CLEC4A: variants seen among roughly 807,000 people sequenced by gnomAD.
CLEC4A encodes the protein C-type lectin domain family 4 member A.
CLEC4A carries 27 observed loss-of-function variants against 32.7 expected under a neutral mutation model. That is an observed-to-expected ratio of 0.83 (90% confidence interval 0.61 to 1.14). The LOEUF (loss-of-function observed/expected upper bound fraction) is 1.14, where lower values mean the gene tolerates loss of function less well. CLEC4A is among the 50% of genes most tolerant of loss of function. CLEC4A has a pLI of 0.00. For synonymous variants in CLEC4A, 89 were observed against 93.7 expected (o/e 0.95, Z 0.29); for missense variants, 253 against 274.6 (o/e 0.92, Z 0.55).
chr12:8,133,514 T>G (rs1948037180), intron 3 of CLEC4A, among the ~76,000 whole-genome samples: 1 of 122,188 alleles, frequency 8.2e-6, no homozygotes, highest in South Asian at 2.7e-4. Flanking sequence ...TTTTTTTTTT[T>G]GTCTATCTAC....
In CLEC4A at chr12:8,136,913, G is replaced by T; in HGVS notation, c.566+10G>T. 6.4e-7 allele frequency: 1 copy of T among 1,573,144 alleles called. No individual in the cohort carries two copies. Among genetic ancestry groups the T allele is most frequent in the South Asian group, 1.1e-5 (1 of 90,118 alleles). ...ACAATGAAAGTTCCACGTGAGTATA[G>T]AATGAGATAAAAGAATCTTGGGTCC... On this transcript the variant is annotated intron_variant, in intron 5 of 5. Transcript: ENST00000229332.
upstream of CLEC4A, among the ~76,000 whole-genome samples, chr12:8,122,546 C>T (rs1209276452): frequency 2.0e-5 from 3 of 151,858 alleles, no homozygotes; most frequent in Non-Finnish European, 2.9e-5. Context: ...GGGATGGTGG[C>T]TTGGACTGGG....
the CLEC4A span, among the ~76,000 whole-genome samples, chr12:8,107,894 G>C: frequency 6.6e-6 from 1 of 151,528 alleles, no homozygotes; most frequent in Admixed American, 6.6e-5. Context: ...CTTCAGTTCA[G>C]CTCTGATTTT....
chr12:8,107,378 T>A, the CLEC4A span, among the ~76,000 whole-genome samples: 1 of 152,354 alleles, frequency 6.6e-6, no homozygotes, highest in South Asian at 2.1e-4. Context: ...AGGATGATAC[T>A]GGCTTCAGAG....
At chr12:8,121,270 G>A (rs1947828437), upstream of CLEC4A, 1 of 152,182 alleles carries the variant, frequency 6.6e-6, no homozygotes, top group Admixed American at 6.5e-5. Context: ...AAGACTCTGA[G>A]AATCAATGAT....
chr12:8,119,676 A>G (rs1337568112), upstream of CLEC4A, among the ~76,000 whole-genome samples: 1 of 152,262 alleles, frequency 6.6e-6, no homozygotes, highest in Non-Finnish European at 1.5e-5. Flanking sequence ...CATCATATCA[A>G]TATAAATAGT....
the CLEC4A span, among the ~76,000 whole-genome samples, chr12:8,107,866 CT>C: frequency 2.2e-4 from 33 of 149,532 alleles, no homozygotes; most frequent in Admixed American, 1.7e-3. Context: ...TTTTGTATGG[CT>C]TTTTGCTACT....
the CLEC4A span, among the ~76,000 whole-genome samples, chr12:8,105,668 A>T: frequency 6.6e-6 from 1 of 151,930 alleles, no homozygotes; most frequent in East Asian, 1.9e-4. Flanking sequence ...GCAATTTTTC[A>T]TATGCTTGTT....
the CLEC4A span, among the ~76,000 whole-genome samples, chr12:8,114,669 G>T: frequency 1.3e-5 from 2 of 152,118 alleles, no homozygotes; most frequent in Non-Finnish European, 2.9e-5. Context: ...TTTACCTTTT[G>T]CTTAATTTAC....
At chr12:8,134,342 A>G (rs1361257753) in intron 3 of CLEC4A, 1 of 1,612,170 alleles carries the variant, frequency 6.2e-7, no homozygotes, top group South Asian at 1.1e-5. Context: ...TAGAACCCCC[A>G]GGGTGAGCCA....
the CLEC4A span, among the ~76,000 whole-genome samples, chr12:8,106,610 T>G: frequency 1.3e-5 from 2 of 152,236 alleles, no homozygotes; most frequent in African/African-American, 4.8e-5. Flanking sequence ...TTTACCTCCC[T>G]GGTTAGCTGT....
chr12:8,134,376 G>T, intron 3 of CLEC4A: 1 of 1,613,334 alleles, frequency 6.2e-7, no homozygotes, highest in Non-Finnish European at 8.5e-7. Context: ...ATATCCCAGG[G>T]TGATCCTCTT....
the CLEC4A span, among the ~76,000 whole-genome samples, chr12:8,112,834 A>T: frequency 2.0e-5 from 3 of 152,236 alleles, no homozygotes; most frequent in Non-Finnish European, 4.4e-5. Flanking sequence ...TATATCATAG[A>T]TAATATAAGT....
intron 4 of CLEC4A, 32 bp from the exon 5 acceptor site, chr12:8,136,756 A>G (rs1261348880): frequency 7.4e-7 from 1 of 1,349,650 alleles, no homozygotes; most frequent in Non-Finnish European, 1.1e-6. Flanking sequence ...TGAATACTGT[A>G]AAGGCTGTGA....
chr12:8,103,373 G>GTTTTT, the CLEC4A span, among the ~76,000 whole-genome samples: 5,478 of 77,476 alleles, frequency 0.071, 805 homozygotes, highest in East Asian at 0.093. Context: ...GTTTCTTTCT[G>GTTTTT]TTGTTTTTTT....
At chr12:8,119,423 C>T (rs955402794), upstream of CLEC4A, among the ~76,000 whole-genome samples, 1 of 152,156 alleles carries the variant, frequency 6.6e-6, no homozygotes, top group African/African-American at 2.4e-5. Flanking sequence ...GGGGTTTCAC[C>T]ATGTTGGTCA....
At chr12:8,116,550 G>A in the CLEC4A span, among the ~76,000 whole-genome samples, 2 of 152,202 alleles carry the variant, frequency 1.3e-5, no homozygotes, top group African/African-American at 4.8e-5. Context: ...GGCAAGATGA[G>A]TGATTTAAAT....
At chr12:8,128,054 AT>A (rs1448493755) in intron 2 of CLEC4A, among the ~76,000 whole-genome samples, 1 of 152,066 alleles carries the variant, frequency 6.6e-6, no homozygotes, top group Non-Finnish European at 1.5e-5. Flanking sequence ...GTGGGAATAT[AT>A]GATATCACTC....
At chr12:8,114,398 C>T in the CLEC4A span, among the ~76,000 whole-genome samples, 1 of 152,146 alleles carries the variant, frequency 6.6e-6, no homozygotes, top group Non-Finnish European at 1.5e-5. Flanking sequence ...GCGCCCGCCA[C>T]CACGCCCGGC....
Sources: allele counts gnomAD v4.1 joint callset (sites outside exome capture counted in the v4.1 genomes callset), GRCh38; gene constraint gnomAD v4.1.1; transcripts MANE v1.5; gene names NCBI Gene and HGNC (gene_info 2026-07-23, HGNC 2026-07-21).